The following NHSL2 variants were observed in gnomAD, a reference collection of about 807,000 sequenced individuals.
NHSL2 encodes NHS like 2.
NHSL2 carries 27 observed loss-of-function variants against 53.4 expected under a neutral mutation model. The ratio of observed to expected loss-of-function variants is 0.51; its 90% confidence interval spans 0.37 to 0.70. NHSL2 has a LOEUF of 0.70. Ranked by LOEUF, NHSL2 falls within the 30% of genes least tolerant of loss-of-function variation. NHSL2 has a pLI of 0.00. For missense variants in NHSL2, 892 were observed against 980.1 expected (o/e 0.91, Z 1.20); for synonymous variants, 408 against 404.1 (o/e 1.01, Z -0.12).
intron 1 of NHSL2, among the ~76,000 whole-genome samples, chrX:72,008,091 G>A (rs1008988495): frequency 4.4e-5 from 5 of 113,022 alleles, no homozygotes; most frequent in Admixed American, 1.9e-4. Flanking sequence ...TTCAGCCTAT[G>A]GGGCCAAGTT....
At position 72,052,662 on chromosome X, in the gene NHSL2, G is replaced by A. The variant is rs193145204; in HGVS notation, c.281-79417G>A. Among the ~76,000 whole-genome samples, 257 of 111,768 alleles carry A rather than the reference G, an allele frequency of 2.3e-3. 1 individual carries two copies. The highest frequency in any genetic ancestry group is 4.7e-3 in the Middle Eastern group (1 of 214). ...CCCTCTCATTCCTCCAGGAGCACACGACACTCTCGCCTGGTCTATCCAACT... is the reference window on the plus strand; with the variant it reads ...CCCTCTCATTCCTCCAGGAGCACACAACACTCTCGCCTGGTCTATCCAACT... On this transcript the variant is annotated intron_variant, in intron 1 of 7. Coordinates refer to ENST00000633930, the MANE Select transcript of NHSL2 (RefSeq NM_001013627.3).
intron 1 of NHSL2, among the ~76,000 whole-genome samples, chrX:72,105,807 C>A (rs763883934): frequency 2.7e-4 from 30 of 112,334 alleles, no homozygotes; most frequent in Non-Finnish European, 4.3e-4. Flanking sequence ...ACTTGACTTT[C>A]GATTTTGACG....
At chrX:72,045,209 C>T (rs1289039273) in intron 1 of NHSL2, among the ~76,000 whole-genome samples, 1 of 112,147 alleles carries the variant, frequency 8.9e-6, no homozygotes, top group Non-Finnish European at 1.9e-5. Context: ...GGGAAACACT[C>T]AAGGCAGGTC....
intron 2 of NHSL2, chrX:72,133,786 G>A: frequency 5.2e-6 from 1 of 191,046 alleles, no homozygotes. Context: ...AGCAAAAGGT[G>A]TCTGCATTCT....
At chrX:72,046,855 C>T (rs1204920663) in intron 1 of NHSL2, among the ~76,000 whole-genome samples, 1 of 110,622 alleles carries the variant, frequency 9.0e-6, no homozygotes, top group African/African-American at 3.3e-5. Context: ...GCTGGTTTCT[C>T]TTGTAAGTCT....
At position 72,101,314 on chromosome X, in the gene NHSL2, G is replaced by A. The variant is rs961544048; in HGVS notation, c.281-30765G>A. ...TTTGAGCTCGGGGTTTGGTGTCTGGGTGGGTGTCGGCAGAATGGGAGGAGG... is the reference window on the plus strand; with the variant it reads ...TTTGAGCTCGGGGTTTGGTGTCTGGATGGGTGTCGGCAGAATGGGAGGAGG... On this transcript the variant is annotated intron_variant, in intron 1 of 7. Transcript: ENST00000633930. Among the ~76,000 whole-genome samples, 4 of 110,648 alleles carry A rather than the reference G, an allele frequency of 3.6e-5. No homozygotes were observed. The South Asian group carries it at 1.2e-3, about 33-fold the overall frequency.
chrX:71,944,912 G>A (rs2041785464), intron 1 of NHSL2, among the ~76,000 whole-genome samples: 1 of 112,291 alleles, frequency 8.9e-6, no homozygotes, highest in South Asian at 3.7e-4. Flanking sequence ...GCCACCAAAT[G>A]TGACTACTTC....
At chrX:72,027,704 G>T (rs1035286659) in intron 1 of NHSL2, 1 of 111,764 alleles carries the variant, frequency 8.9e-6, no homozygotes, top group Non-Finnish European at 1.9e-5. Context: ...GAGTAGGTAC[G>T]TGGTCTGGAC....
chrX:72,117,299 T>C (rs1280483650), intron 1 of NHSL2, among the ~76,000 whole-genome samples: 1 of 101,525 alleles, frequency 9.8e-6, no homozygotes, highest in Non-Finnish European at 2.0e-5. Flanking sequence ...GGATCTAGTA[T>C]GATGCACTAG....
At chrX:71,985,098 C>G (rs2041997751) in intron 1 of NHSL2, among the ~76,000 whole-genome samples, 1 of 111,984 alleles carries the variant, frequency 8.9e-6, no homozygotes, top group South Asian at 3.7e-4. Context: ...GCTGGGATTA[C>G]AGGCATGAGC....
At chrX:71,964,037 A>ATGTGTGTGTGTATATATATC (rs2041888039) in intron 1 of NHSL2, among the ~76,000 whole-genome samples, 1 of 40,356 alleles carries the variant, frequency 2.5e-5, no homozygotes, top group Non-Finnish European at 4.0e-5. Context: ...GTATATATAT[A>ATGTGTGTGTGTATATATATC]TATATGTATA....
At chrX:72,037,814 C>T (rs188837757) in intron 1 of NHSL2, among the ~76,000 whole-genome samples, 1 of 111,856 alleles carries the variant, frequency 8.9e-6, no homozygotes, top group Non-Finnish European at 1.9e-5. Context: ...CCTCACCTGG[C>T]CAAGTCTCTG....
intron 1 of NHSL2, among the ~76,000 whole-genome samples, chrX:72,078,642 T>C (rs978834072): frequency 2.3e-4 from 26 of 111,980 alleles, no homozygotes; most frequent in African/African-American, 8.4e-4. Context: ...GAAGCCATCC[T>C]TGCCAAGGTC....
chrX:72,056,271 G>T lies in NHSL2; in HGVS notation c.281-75808G>T, dbSNP rs186968431. ...AATCAAACGAGTGCTAGAGATGCAT[G>T]TACAAAGATGTGCATCAAAACATTG... On this transcript the variant is annotated intron_variant, in intron 1 of 7. Transcript: ENST00000633930. Among the ~76,000 whole-genome samples, 9 of 112,097 alleles carry T rather than the reference G, an allele frequency of 8.0e-5. No individual in the cohort carries two copies. In the Admixed American group the frequency reaches 8.5e-4, roughly 11 times the overall value.
intron 1 of NHSL2, among the ~76,000 whole-genome samples, chrX:72,099,881 A>G (rs772926219): frequency 3.6e-5 from 4 of 112,182 alleles, no homozygotes; most frequent in Non-Finnish European, 5.6e-5. Flanking sequence ...AGCACATTTC[A>G]GTTCAGACTG....
At chrX:72,051,425 C>T (rs766330248) in intron 1 of NHSL2, among the ~76,000 whole-genome samples, 76 of 111,497 alleles carry the variant, frequency 6.8e-4, no homozygotes, top group South Asian at 1.9e-3. Flanking sequence ...ATGGCTATAC[C>T]GATGCACAGT....
chrX:71,920,966 G>A (rs1013760892), intron 1 of NHSL2, among the ~76,000 whole-genome samples: 18 of 108,478 alleles, frequency 1.7e-4, no homozygotes, highest in Non-Finnish European at 2.7e-4. Flanking sequence ...CACCATGCCC[G>A]GCTAATTTTT....
At chrX:71,937,198 G>C (rs1011278065) in intron 1 of NHSL2, among the ~76,000 whole-genome samples, 1 of 111,744 alleles carries the variant, frequency 8.9e-6, no homozygotes, top group Non-Finnish European at 1.9e-5. Flanking sequence ...AGCAGCAGAG[G>C]TCTGGGAGTG....
At chrX:72,032,140 C>T (rs1029098011) in intron 1 of NHSL2, among the ~76,000 whole-genome samples, 5 of 110,880 alleles carry the variant, frequency 4.5e-5, no homozygotes, top group Non-Finnish European at 9.4e-5. Context: ...GCCTGTAATC[C>T]CAACACTTTG....
Sources: allele counts gnomAD v4.1 joint callset (sites outside exome capture counted in the v4.1 genomes callset), GRCh38; gene constraint gnomAD v4.1.1; transcripts MANE v1.5; gene names NCBI Gene and HGNC (gene_info 2026-07-23, HGNC 2026-07-21).